Variants in CDH3 observed in about 807,000 individuals in gnomAD.
CDH3 encodes the protein cadherin-3.
CDH3 carries 54 observed loss-of-function variants against 82.0 expected under a neutral mutation model. The ratio of observed to expected loss-of-function variants is 0.66; its 90% CI spans 0.53 to 0.83. The LOEUF (loss-of-function observed/expected upper bound fraction) is 0.83. Among genes scored for constraint, CDH3 ranks in the 40% least tolerant of loss-of-function variants. The pLI, the probability that CDH3 is intolerant of heterozygous loss-of-function variation, is 0.00. For missense variants in CDH3, 1,054 were observed against 1,084.6 expected (o/e 0.97, Z 0.40); for synonymous variants, 446 against 437.9 (o/e 1.02, Z -0.23).
chr16:68,646,370 A>G (rs1960063158), intron 2 of CDH3, among the ~76,000 whole-genome samples: 1 of 152,038 alleles, frequency 6.6e-6, no homozygotes, highest in African/African-American at 2.4e-5. Context: ...CCCCGCCCCC[A>G]GCGTCTGGGG....
chr16:68,653,087 C>T (rs572026631), intron 2 of CDH3, among the ~76,000 whole-genome samples: 1 of 152,256 alleles, frequency 6.6e-6, no homozygotes, highest in African/African-American at 2.4e-5. Flanking sequence ...ATCAGCTCCT[C>T]TCTGTTCTGA....
chr16:68,663,870 G>T (rs1184191373), intron 2 of CDH3, among the ~76,000 whole-genome samples: 1 of 151,470 alleles, frequency 6.6e-6, no homozygotes, highest in African/African-American at 2.4e-5. Flanking sequence ...CAATGTGCAG[G>T]TTAGTTACAT....
intron 2 of CDH3, among the ~76,000 whole-genome samples, chr16:68,725,459 G>A (rs1202810497): frequency 3.3e-5 from 5 of 151,770 alleles, no homozygotes; most frequent in Admixed American, 6.6e-5. Flanking sequence ...TCAGTCTCCG[G>A]AGTAGCTGGG....
chr16:68,670,940 G>T (rs1052366079), intron 2 of CDH3, among the ~76,000 whole-genome samples: 4 of 152,044 alleles, frequency 2.6e-5, no homozygotes, highest in Admixed American at 2.6e-4. Flanking sequence ...GGGCGTGGTG[G>T]TGCACTCCTG....
Position 68,678,356 on chromosome 16 carries a change from A to G in CDH3, c.390+79A>G, listed in dbSNP as rs547637169. On this transcript the variant is annotated intron_variant, in intron 4 of 15. Coordinates refer to ENST00000264012, the MANE Select transcript of CDH3 (RefSeq NM_001793.6). ...AAAGGCCTGCATGAGATTTCTTGCT[A>G]CTGAATGTGGGGGCTGAGACAGAAA... The G allele has an allele frequency of 1.7e-4, 276 of 1,591,056 alleles. 4 individuals carry two copies. In the South Asian group the frequency reaches 2.8e-3, roughly 16 times the overall value.
At chr16:68,682,196 A>G (rs1961247349) in intron 8 of CDH3, 106 bp from the exon 9 acceptor site, 5 of 1,283,648 alleles carry the variant, frequency 3.9e-6, no homozygotes, top group Non-Finnish European at 5.5e-6. Flanking sequence ...GGTCCAGGAA[A>G]GGGTAAAGGC....
At chr16:68,652,721 T>A (rs1352199085) in intron 2 of CDH3, among the ~76,000 whole-genome samples, 1 of 152,106 alleles carries the variant, frequency 6.6e-6, no homozygotes, top group East Asian at 1.9e-4. Context: ...CCCTCCTAAT[T>A]TCAACCTTCT....
At position 68,652,531 on chromosome 16, in the gene CDH3, C is replaced by T. The variant is rs370020803; in HGVS notation, c.160+6781C>T. Among the ~76,000 whole-genome samples the T allele has an allele frequency of 8.5e-5, 13 of 152,280 alleles. 1 individual carries two copies. Among genetic ancestry groups the T allele is most frequent in the African/African-American group, 2.9e-4 (12 of 41,554 alleles). On this transcript the variant is annotated intron_variant, in intron 2 of 15. Transcript: ENST00000264012. ...CCTCCCCAGCTCCCATCAGTTGAGG[C>T]TTTGGTCCTGAGGCTGAACAGTCTC...
chr16:68,702,685 T>C (rs562398848), downstream of CDH3, among the ~76,000 whole-genome samples: 20 of 151,948 alleles, frequency 1.3e-4, no homozygotes, highest in East Asian at 3.9e-3. Flanking sequence ...GCCAACATGG[T>C]GAAACCCCGT....
At position 68,691,925 on chromosome 16, in the gene CDH3, G is replaced by C. The variant is rs201014182; in HGVS notation, c.2001G>C (p.Leu667=). 4.2e-5 allele frequency: 67 copies of C among 1,610,674 alleles called. No individual in the cohort carries two copies. In the East Asian group the frequency reaches 1.3e-3, roughly 31 times the overall value. The stretch of plus-strand genomic sequence containing the variant: ...TGCTGGGGGCTGTCCTGGCTCTGCT[G>C]TGTGAGTACCAGGCCCCCACCCCCT... The part of the protein sequence containing the change: ...LPVLGAVLAL[L]FLLLVLLLLV... The change falls in exon 13 of 16, where the codon CTG becomes CTC. Residue 667 remains leucine (L), a splice_region_variant and synonymous_variant. Coordinates refer to ENST00000264012, the MANE Select transcript of CDH3 (RefSeq NM_001793.6).
chr16:68,702,990 C>T (rs780809308), downstream of CDH3, among the ~76,000 whole-genome samples: 5 of 152,228 alleles, frequency 3.3e-5, no homozygotes, highest in South Asian at 8.3e-4. Flanking sequence ...TGAAAAGTGC[C>T]CCAATCCCTC....
chr16:68,647,908 A>G (rs1377652496), intron 2 of CDH3, among the ~76,000 whole-genome samples: 1 of 152,112 alleles, frequency 6.6e-6, no homozygotes. Flanking sequence ...CTAAGGAACA[A>G]TCACCCCTGT....
At chr16:68,725,524 G>A (rs1326395823) in intron 2 of CDH3, among the ~76,000 whole-genome samples, 9 of 151,752 alleles carry the variant, frequency 5.9e-5, no homozygotes, top group Non-Finnish European at 8.8e-5. Context: ...TAGTAGAGAC[G>A]GGGTTTCACC....
rs1454684910 is a variant in CDH3, at chr16:68,682,496, G to A, written c.1182+9G>A. ...TCCTGACAACCAGGAAGGTGAGTCA[G>A]TTCGGGCCTCAGACAATGGCTATAC... On this transcript the variant is annotated intron_variant, in intron 9 of 15. Transcript: ENST00000264012. 2 of 1,613,800 alleles carry A rather than the reference G, an allele frequency of 1.2e-6. No individual in the cohort carries two copies. Among genetic ancestry groups the A allele is most frequent in the Non-Finnish European group, 1.7e-6 (2 of 1,179,928 alleles).
At chr16:68,722,768 G>A (rs894509699) in intron 2 of CDH3, among the ~76,000 whole-genome samples, 2 of 152,044 alleles carry the variant, frequency 1.3e-5, no homozygotes, top group African/African-American at 4.8e-5. Flanking sequence ...TGGAGGGAGT[G>A]GGACCTTCAA....
chr16:68,696,610 C>G (rs951819573), intron 15 of CDH3: 3 of 161,678 alleles, frequency 1.9e-5, no homozygotes, highest in African/African-American at 7.2e-5. Flanking sequence ...GTAGTGAATG[C>G]CGAGAATGAA....
At chr16:68,667,279 G>T (rs370874835) in intron 2 of CDH3, among the ~76,000 whole-genome samples, 25 of 152,128 alleles carry the variant, frequency 1.6e-4, no homozygotes, top group African/African-American at 6.0e-4. Flanking sequence ...TGTTTGTTTT[G>T]TGAGCTAGGT....
chr16:68,658,062 CTTT>C (rs113679101), intron 2 of CDH3, among the ~76,000 whole-genome samples: 11 of 126,126 alleles, frequency 8.7e-5, no homozygotes, highest in Admixed American at 8.2e-5. Flanking sequence ...CTTTTTCTTT[CTTT>C]TTTTTTTTTT....
chr16:68,715,728 T>G (rs1962088179), intron 1 of CDH3, among the ~76,000 whole-genome samples: 1 of 152,196 alleles, frequency 6.6e-6, no homozygotes, highest in South Asian at 2.1e-4. Flanking sequence ...ATGGTTAACA[T>G]TGCTTTGCTG....
Sources: gnomAD v4.1 joint callset for allele counts (sites outside exome capture counted in the v4.1 genomes callset) on GRCh38, gnomAD v4.1.1 for gene constraint, MANE v1.5 for transcripts, NCBI Gene and HGNC (gene_info 2026-07-23, HGNC 2026-07-21) for gene names.